Variants in PRKCE observed in about 807,000 individuals in gnomAD.
PRKCE encodes protein kinase C epsilon type.
PRKCE carries 16 observed loss-of-function variants against 85.4 expected under a neutral mutation model. That is an observed-to-expected ratio of 0.19 (90% CI 0.13 to 0.28). PRKCE has a LOEUF of 0.28. Ranked by LOEUF, PRKCE falls within the 10% of genes least tolerant of loss-of-function variation. The pLI is 1.00. For synonymous variants in PRKCE, 388 were observed against 371.5 expected, an observed-to-expected ratio of 1.04 and a Z score of -0.51; for missense variants, 573 against 975.2, an observed-to-expected ratio of 0.59 and a Z score of 5.49.
chr2:45,672,945 T>C (rs1372300366), intron 1 of PRKCE, among the ~76,000 whole-genome samples: 2 of 152,164 alleles, frequency 1.3e-5, no homozygotes, highest in Admixed American at 6.5e-5. Flanking sequence ...GAAGACTGCA[T>C]GAGCCCAGGA....
At chr2:46,151,937 G>C (rs756314642) in intron 13 of PRKCE, among the ~76,000 whole-genome samples, 4 of 152,208 alleles carry the variant, frequency 2.6e-5, no homozygotes, top group Non-Finnish European at 4.4e-5. Flanking sequence ...TGAGGTACAG[G>C]GAAGTTAAGC....
rs1685593188 is a variant in PRKCE, at chr2:45,774,468, TTC to T, written c.349-68526_349-68525del. Among the ~76,000 whole-genome samples, 1 of 152,140 alleles carries T rather than the reference TTC, an allele frequency of 6.6e-6. No homozygotes were observed. Among genetic ancestry groups the T allele is most frequent in the South Asian group, 2.1e-4 (1 of 4,830 alleles). On this transcript the variant is annotated intron_variant, in intron 1 of 14. Coordinates refer to ENST00000306156, the MANE Select transcript of PRKCE (RefSeq NM_005400.3). This position sits in a 1 kb window ranked among gnomAD's most constrained non-coding sequence, Gnocchi z 4.3. ...GCTTTAGAGACCGAGTGCCCGCTTT[TTC>T]TCTCTTTTTGATAAATTCTCTTCCC...
intron 2 of PRKCE, among the ~76,000 whole-genome samples, chr2:45,894,390 C>A (rs1695972241): frequency 6.6e-6 from 1 of 150,828 alleles, no homozygotes; most frequent in Non-Finnish European, 1.5e-5. Context: ...ATAAGGAAGC[C>A]AATAAAAATC....
At chr2:45,659,241 A>G (rs1395549331) in intron 1 of PRKCE, among the ~76,000 whole-genome samples, 2 of 152,174 alleles carry the variant, frequency 1.3e-5, no homozygotes, top group African/African-American at 4.8e-5. Context: ...AGCTTAAGAA[A>G]TGGCAACTCC....
intron 1 of PRKCE, among the ~76,000 whole-genome samples, chr2:45,742,249 C>G (rs569183883): frequency 5.3e-5 from 8 of 151,942 alleles, no homozygotes; most frequent in Admixed American, 5.2e-4. Context: ...ACTTACATAA[C>G]TCAATAGAAA....
chr2:45,958,229 G>C (rs1346760588), intron 2 of PRKCE, among the ~76,000 whole-genome samples: 1 of 149,160 alleles, frequency 6.7e-6, no homozygotes, highest in African/African-American at 2.5e-5. Context: ...AGAAAATTGG[G>C]CCAGGCATGG....
At chr2:45,829,624 C>CCTAG (rs920737162) in intron 1 of PRKCE, among the ~76,000 whole-genome samples, 1 of 152,172 alleles carries the variant, frequency 6.6e-6, no homozygotes, top group Admixed American at 6.5e-5. Context: ...GGCACAGGAA[C>CCTAG]CTAGCATAGA....
chr2:45,709,398 A>G (rs1165427830), intron 1 of PRKCE, among the ~76,000 whole-genome samples: 2 of 152,246 alleles, frequency 1.3e-5, no homozygotes, highest in African/African-American at 2.4e-5. Flanking sequence ...TTCATGCCCT[A>G]TATCAGCCAG....
intron 10 of PRKCE, among the ~76,000 whole-genome samples, chr2:46,069,623 C>T (rs1444949639): frequency 6.6e-6 from 1 of 152,164 alleles, no homozygotes; most frequent in Non-Finnish European, 1.5e-5. Flanking sequence ...CAGTATACCA[C>T]TTTGATGGAA....
chr2:45,798,729 G>T (rs1030316920), intron 1 of PRKCE, among the ~76,000 whole-genome samples: 3 of 146,836 alleles, frequency 2.0e-5, no homozygotes, highest in Admixed American at 6.8e-5. Context: ...TTATAATATC[G>T]TTTCAAAGTG....
intron 1 of PRKCE, among the ~76,000 whole-genome samples, chr2:45,703,125 ATT>A (rs33988258): frequency 0.71 from 107,067 of 150,480 alleles, 38,213 homozygotes; most frequent in East Asian, 0.81. Flanking sequence ...TGTTTTATTT[ATT>A]TTTTTTTTTT....
intron 2 of PRKCE, among the ~76,000 whole-genome samples, chr2:45,887,410 C>T (rs1182470602): frequency 6.6e-6 from 1 of 151,906 alleles, no homozygotes; most frequent in Non-Finnish European, 1.5e-5. Context: ...GAATATATCA[C>T]AGCAAACAAG....
chr2:46,007,022 A>G (rs946196063), intron 8 of PRKCE, among the ~76,000 whole-genome samples: 1 of 152,226 alleles, frequency 6.6e-6, no homozygotes, highest in Admixed American at 6.5e-5. Flanking sequence ...TGAAATAATT[A>G]TATCACCAGT....
At chr2:46,099,155 A>G (rs1202392743) in intron 11 of PRKCE, among the ~76,000 whole-genome samples, 1 of 152,118 alleles carries the variant, frequency 6.6e-6, no homozygotes, top group Non-Finnish European at 1.5e-5. Context: ...GAAGCCTGCC[A>G]TGACTCCATT....
chr2:45,651,745 G>GGAGCCGGA lies in PRKCE; in HGVS notation c.-350_-343dup. Reference sequence around the variant, plus strand: ...CGCGGCGCCCGCTTTCCCGCAGTCCGGAGCCGGAGAGCCAGCGAGGCGGCG... The same window carrying GGAGCCGGA: ...CGCGGCGCCCGCTTTCCCGCAGTCCGGAGCCGGAGAGCCGGAGAGCCAGCGAGGCGGCG... On this transcript the variant is annotated 5_prime_UTR_variant, in exon 1 of 15. Transcript: ENST00000306156. The GGAGCCGGA allele has an allele frequency of 5.7e-6, 1 of 175,572 alleles. No homozygotes were observed. The highest frequency in any genetic ancestry group is 1.2e-5 in the Non-Finnish European group (1 of 83,610). 10.9% of individuals were successfully genotyped at this position (175,572 alleles called of 1,614,324 possible).
Position 45,816,334 on chromosome 2 carries a change from G to A in PRKCE, c.349-26666G>A, listed in dbSNP as rs148702628. ...GAATGATATTTGTTCACTACCCCCT[G>A]GAGTGTCACGAGGTTTAAAGTTTTT... On this transcript the variant is annotated intron_variant, in intron 1 of 14. Coordinates refer to ENST00000306156, the MANE Select transcript of PRKCE (RefSeq NM_005400.3). Among the ~76,000 whole-genome samples the A allele has an allele frequency of 1.2e-3, 176 of 152,206 alleles. 3 individuals are homozygous for A. Among genetic ancestry groups the A allele is most frequent in the African/African-American group, 4.2e-3 (173 of 41,534 alleles).
At chr2:45,853,543 G>A (rs915199643) in intron 2 of PRKCE, among the ~76,000 whole-genome samples, 2 of 152,152 alleles carry the variant, frequency 1.3e-5, no homozygotes, top group African/African-American at 4.8e-5. Flanking sequence ...TTACCTCTAT[G>A]TGATCTCCCC....
intron 11 of PRKCE, among the ~76,000 whole-genome samples, chr2:46,107,863 A>C (rs1558462660): frequency 6.6e-6 from 1 of 152,178 alleles, no homozygotes; most frequent in Non-Finnish European, 1.5e-5. Flanking sequence ...TATATCTGTA[A>C]AGGTATCCTT....
intron 2 of PRKCE, among the ~76,000 whole-genome samples, chr2:45,967,606 A>G (rs1397463625): frequency 6.6e-6 from 1 of 152,242 alleles, no homozygotes; most frequent in East Asian, 1.9e-4. Context: ...CAGGAATCAA[A>G]TAATATTGTA....
Sources: gnomAD v4.1 joint callset for allele counts (sites outside exome capture counted in the v4.1 genomes callset) on GRCh38, gnomAD v4.1.1 for gene constraint, Gnocchi (gnomAD v3.1) non-coding constraint, MANE v1.5 for transcripts, NCBI Gene and HGNC (gene_info 2026-07-23, HGNC 2026-07-21) for gene names.